The following DPPA4 variants were observed in gnomAD, a reference collection of about 807,000 sequenced individuals.
DPPA4 encodes the protein developmental pluripotency associated 4.
Under a neutral mutation model 33.7 loss-of-function variants are expected in DPPA4, and 22 were observed. That is an observed-to-expected ratio of 0.65 (90% CI 0.47 to 0.93). DPPA4 has a LOEUF of 0.93. Ranked by LOEUF, DPPA4 falls within the 40% of genes least tolerant of loss-of-function variation. DPPA4 has a pLI of 0.00. For missense variants in DPPA4, 340 were observed against 358.6 expected (o/e 0.95, Z 0.42); for synonymous variants, 156 against 132.3 (o/e 1.18, Z -1.23).
intron 4 of DPPA4, among the ~76,000 whole-genome samples, chr3:109,331,493 G>A (rs571080673): frequency 5.4e-4 from 68 of 125,636 alleles, no homozygotes; most frequent in African/African-American, 1.8e-3. Context: ...GCAGTGAGCC[G>A]AGATGGTGCC....
intron 5 of DPPA4, chr3:109,330,026 G>C (rs376142447): frequency 5.6e-6 from 1 of 178,294 alleles, no homozygotes; most frequent in African/African-American, 2.4e-5. Flanking sequence ...CTCTTGCCAG[G>C]TACGGTGGCT....
chr3:109,337,590 C>CCTACATGGGTCTT, upstream of DPPA4: 1 of 1,338,248 alleles, frequency 7.5e-7, no homozygotes, highest in Non-Finnish European at 1.1e-6. Context: ...CCCGAAGACC[C>CCTACATGGGTCTT]TTTTTCTCTC....
In DPPA4 at chr3:109,330,684, C is replaced by T. The variant is rs199804229; in HGVS notation, c.519G>A (p.Val173=). ...THPPEVALPP[V]GEPPALENST... ...AATTTTCCAGGGCAGGCGGCTCCCC[C>T]ACAGGAGGAAGAGCCACTTCAGGAG... is the stretch of plus-strand genomic sequence containing the variant. The change falls in exon 5 of 7, where the codon GTG becomes GTA. Residue 173 remains valine (V), a synonymous_variant. Transcript: ENST00000335658. 2 of 1,614,138 alleles carry T rather than the reference C, an allele frequency of 1.2e-6. No homozygotes were observed. Among genetic ancestry groups the T allele is most frequent in the South Asian group, 1.1e-5 (1 of 91,078 alleles).
intron 2 of DPPA4, 122 bp downstream of exon 2, chr3:109,333,748 T>G: frequency 8.3e-7 from 1 of 1,200,380 alleles, no homozygotes; most frequent in Non-Finnish European, 1.2e-6. Context: ...TTGGCTTCCA[T>G]GAAGTGCAGG....
At position 109,328,771 on chromosome 3, in the gene DPPA4, C is replaced by T. The variant is rs1707989444; in HGVS notation, c.878+119G>A. On this transcript the variant is annotated intron_variant, in intron 6 of 6. Transcript: ENST00000335658. ...ACTGAGTAATAATTTTCTTGAAACT[C>T]TTTACTGACAATTTGAGCTTGAAAT... 3.2e-6 allele frequency: 3 copies of T among 947,988 alleles called. No individual in the cohort carries two copies. The South Asian group carries it at 5.4e-5, about 17-fold the overall frequency. The allele number at this position is 947,988 out of a possible 1,614,324, so 58.7% of individuals were successfully genotyped here. A position where few individuals can be genotyped will look rare whatever the true frequency, so the allele number is the denominator to read the frequency against.
At position 109,332,023 on chromosome 3, in the gene DPPA4, G is replaced by C. The variant is rs1334195026; in HGVS notation, c.187C>G (p.Pro63Ala). The C allele has an allele frequency of 1.9e-6, 3 of 1,608,288 alleles. No homozygotes were observed. In the Admixed American group the frequency reaches 5.1e-5, roughly 28 times the overall value. ...TCAGTGTGCTCTGCCTTTTTCTTAGGGCAGAGCACTGAAGCAGAATGGAAT... is the reference window on the plus strand; with the variant it reads ...TCAGTGTGCTCTGCCTTTTTCTTAGCGCAGAGCACTGAAGCAGAATGGAAT... ...MSIKGSKVLC[P>A]KKKAEHTDNP... Residue 63 changes from proline (P) to alanine (A), a missense_variant, in exon 3 of 7, where the codon CCT (proline) becomes GCT (alanine). Around this residue, in one of 3 missense-constraint regions of DPPA4, gnomAD observed 96 missense variants for 91.8 expected, o/e 1.05. Transcript: ENST00000335658.
intron 4 of DPPA4, 33 bp from the exon 5 acceptor site, chr3:109,330,845 T>C: frequency 6.5e-7 from 1 of 1,539,424 alleles, no homozygotes; most frequent in Non-Finnish European, 8.7e-7. Context: ...AAGATAAAAA[T>C]ACAGATTAAA....
chr3:109,330,306 AAAAAAAAAAAAAAAAAAAAAAAAAAGG>A, intron 5 of DPPA4, 191 bp downstream of exon 5: 1 of 20,214 alleles, frequency 4.9e-5, no homozygotes, highest in Non-Finnish European at 8.5e-5. Flanking sequence ...GTCTCAAAAA[AAAAAAAAAAAAAAAAAAAAAAAAAAGG>A]AAAAAAAAAA....
chr3:109,338,516 C>G (rs1050397051), upstream of DPPA4, among the ~76,000 whole-genome samples: 4 of 152,178 alleles, frequency 2.6e-5, no homozygotes, highest in African/African-American at 9.7e-5. Context: ...TCCAAAGTCT[C>G]TTTTGTTCTT....
chr3:109,331,619 C>A, intron 4 of DPPA4, 115 bp downstream of exon 4: 14 of 646,858 alleles, frequency 2.2e-5, no homozygotes, highest in East Asian at 6.3e-5. Context: ...ATTGTTCTTT[C>A]TTAGAACTAG....
chr3:109,329,256 C>T, intron 5 of DPPA4, 168 bp from the exon 6 acceptor site: 1 of 665,912 alleles, frequency 1.5e-6, no homozygotes, highest in South Asian at 2.0e-5. Flanking sequence ...AGCATACAAG[C>T]TGGGCGCAGT....
intron 2 of DPPA4, chr3:109,333,464 T>G (rs1708126891): frequency 5.3e-6 from 1 of 187,028 alleles, no homozygotes; most frequent in Admixed American, 5.8e-5. Flanking sequence ...TTAACTACTC[T>G]ATGTAAATTT....
rs377740175 is a variant in DPPA4, at chr3:109,329,096, T to C, written c.680-8A>G. ...CCACACACCACCTGACACCTGGCAA[T>C]GGCAAAGGAAAGAGACAGGTACCCG... On this transcript the variant is annotated splice_region_variant and splice_polypyrimidine_tract_variant and intron_variant, in intron 5 of 6. Coordinates refer to ENST00000335658, the MANE Select transcript of DPPA4 (RefSeq NM_018189.4). The C allele has an allele frequency of 1.7e-4, 272 of 1,613,078 alleles. No individual in the cohort carries two copies. The highest frequency in any genetic ancestry group is 2.3e-4 in the Non-Finnish European group (268 of 1,179,420).
chr3:109,335,018 A>C (rs753148943), intron 1 of DPPA4, among the ~76,000 whole-genome samples: 8 of 152,192 alleles, frequency 5.3e-5, no homozygotes, highest in Non-Finnish European at 1.0e-4. Context: ...CACTCAATAA[A>C]TATTGGTTCA....
intron 6 of DPPA4, among the ~76,000 whole-genome samples, chr3:109,328,456 T>A (rs937008844): frequency 3.3e-5 from 5 of 152,212 alleles, no homozygotes; most frequent in Admixed American, 6.5e-5. Flanking sequence ...TTTCCCAGGC[T>A]GAGAAATTAC....
intron 1 of DPPA4, among the ~76,000 whole-genome samples, chr3:109,337,061 T>C (rs7619282): frequency 0.44 from 66,469 of 151,646 alleles, 15,297 homozygotes; most frequent in East Asian, 0.72. Flanking sequence ...CCACCACACC[T>C]GGCTAATTTT....
In DPPA4 at chr3:109,333,952, A is replaced by G. The variant is rs1708139528; in HGVS notation, c.96T>C (p.Ala32=). ...TEKSREEDQQ[A]SNQPNSIALP... ...AAGCAATTGAATTTGGTTGATTAGAAGCCTGCTGATCCTCTTCCCTCGACT... is the reference window on the plus strand; with the variant it reads ...AAGCAATTGAATTTGGTTGATTAGAGGCCTGCTGATCCTCTTCCCTCGACT... Residue 32 remains alanine, a synonymous_variant, in exon 2 of 7, where the codon GCT becomes GCC. Coordinates refer to ENST00000335658, the MANE Select transcript of DPPA4 (RefSeq NM_018189.4). The G allele has an allele frequency of 6.2e-7, 1 of 1,614,032 alleles. No individual in the cohort carries two copies. The highest frequency in any genetic ancestry group is 1.3e-5 in the African/African-American group (1 of 74,918).
rs764849659 is a variant in DPPA4 at position 109,326,776 on chromosome 3, T to C, written c.*1212A>G. The stretch of plus-strand genomic sequence containing the variant: ...CAGCTTTTTGTATGTGAATCATACC[T>C]AAGTAGTTTTAAAAACAAATGATCC... On this transcript the variant is annotated 3_prime_UTR_variant, in exon 7 of 7. Transcript: ENST00000335658. 1 of 152,182 alleles carries C rather than the reference T, an allele frequency of 6.6e-6. No individual in the cohort carries two copies. The highest frequency in any genetic ancestry group is 1.5e-5 in the Non-Finnish European group (1 of 68,028). The allele number at this position is 152,182 out of a possible 1,614,324, so 9.4% of individuals were successfully genotyped here.
intron 6 of DPPA4, 64 bp downstream of exon 6, chr3:109,328,826 T>C (rs1707990608): frequency 1.4e-6 from 2 of 1,456,332 alleles, no homozygotes; most frequent in Non-Finnish European, 1.9e-6. Context: ...ATGTATATCT[T>C]AACTTTCTGC....
Sources: gnomAD v4.1 joint callset for allele counts (sites outside exome capture counted in the v4.1 genomes callset) on GRCh38, gnomAD v4.1.1 for gene constraint, gnomAD v4.1.1 regional missense constraint, MANE v1.5 for transcripts, NCBI Gene and HGNC (gene_info 2026-07-23, HGNC 2026-07-21) for gene names.